The following BNC2 variants were observed in gnomAD, a reference collection of about 807,000 sequenced individuals.
BNC2 encodes the protein basonuclin zinc finger protein 2.
Under a neutral mutation model 76.3 loss-of-function variants are expected in BNC2, and 20 were observed. That is an observed-to-expected ratio of 0.26 (90% CI 0.18 to 0.38). The LOEUF is 0.38. BNC2 is among the 10% of genes least tolerant of loss of function. The pLI is 1.00. For synonymous variants in BNC2, 582 were observed against 514.8 expected (o/e 1.13, Z -1.77); for missense variants, 1,382 against 1,399.8 (o/e 0.99, Z 0.20).
At chr9:16,667,239 T>A (rs1281570908) in intron 3 of BNC2, among the ~76,000 whole-genome samples, 1 of 152,218 alleles carries the variant, frequency 6.6e-6, no homozygotes, top group Non-Finnish European at 1.5e-5. Context: ...AATAATAGCA[T>A]CCATTTATTT....
Position 16,414,322 on chromosome 9 carries a change from A to G in BNC2, c.*4667T>C, listed in dbSNP as rs1820537770. 1 of 152,192 alleles carries G rather than the reference A, an allele frequency of 6.6e-6. No homozygotes were observed. The highest frequency in any genetic ancestry group is 1.5e-5 in the Non-Finnish European group (1 of 68,072). 9.4% of individuals were successfully genotyped at this position (152,192 alleles called of 1,614,324 possible). A position where few individuals can be genotyped will look rare whatever the true frequency, so the allele number is the denominator to read the frequency against. On this transcript the variant is annotated 3_prime_UTR_variant, in exon 7 of 7. Transcript: ENST00000380672. Reference sequence around the variant, plus strand: ...TAGCTACCCCAAAACCAGGGCAGGAACCGACCCTCTACTTAGTTCTGATGA... The same window carrying G: ...TAGCTACCCCAAAACCAGGGCAGGAGCCGACCCTCTACTTAGTTCTGATGA...
Position 16,850,849 on chromosome 9 carries a change from C to T in BNC2, c.3+19797G>A, listed in dbSNP as rs185550972. Among the ~76,000 whole-genome samples, 594 of 151,782 alleles carry T rather than the reference C, an allele frequency of 3.9e-3. 3 individuals are homozygous for T. Among genetic ancestry groups the T allele is most frequent in the Non-Finnish European group, 5.5e-3 (372 of 67,900 alleles). The stretch of plus-strand genomic sequence containing the variant: ...AAAATAGAATTATCTTGTTTTAACA[C>T]CCACCAAGTAAGTTAACACCAAAAG... On this transcript the variant is annotated intron_variant, in intron 1 of 6. Coordinates refer to ENST00000380672, the MANE Select transcript of BNC2 (RefSeq NM_017637.6).
chr9:16,670,689 G>C (rs1030433317), intron 3 of BNC2, among the ~76,000 whole-genome samples: 11 of 152,156 alleles, frequency 7.2e-5, no homozygotes, highest in African/African-American at 2.7e-4. Context: ...AATTATTGAA[G>C]GAAATGCAAA....
chr9:16,848,375 G>T (rs947547639), intron 1 of BNC2, among the ~76,000 whole-genome samples: 1 of 152,106 alleles, frequency 6.6e-6, no homozygotes, highest in Non-Finnish European at 1.5e-5. Context: ...GCATTCTTGA[G>T]TATAATAATC....
intron 3 of BNC2, chr9:16,625,719 G>C (rs961118371): frequency 3.3e-5 from 5 of 152,230 alleles, no homozygotes; most frequent in Non-Finnish European, 7.3e-5. Context: ...AATGAGAAAG[G>C]CTGCTTCCTC....
chr9:16,568,224 G>T (rs192786524), intron 4 of BNC2, among the ~76,000 whole-genome samples: 3 of 152,040 alleles, frequency 2.0e-5, no homozygotes, highest in Non-Finnish European at 2.9e-5. Context: ...TTTAACACAC[G>T]TCTTTAGGGA....
chr9:16,498,511 T>C (rs1315225157), intron 5 of BNC2, among the ~76,000 whole-genome samples: 4 of 148,384 alleles, frequency 2.7e-5, no homozygotes, highest in Non-Finnish European at 4.5e-5. Context: ...TTTGGGGACT[T>C]AGGGGGAAGA....
At chr9:16,545,452 G>A (rs1587152756) in intron 5 of BNC2, among the ~76,000 whole-genome samples, 1 of 152,232 alleles carries the variant, frequency 6.6e-6, no homozygotes, top group Non-Finnish European at 1.5e-5. Flanking sequence ...TGTTTTACAG[G>A]TGAGTGAACT....
chr9:16,829,025 A>C (rs898257907), intron 1 of BNC2, among the ~76,000 whole-genome samples: 1 of 152,008 alleles, frequency 6.6e-6, no homozygotes, highest in Non-Finnish European at 1.5e-5. Context: ...AGCAGAAGGG[A>C]GGCGAGCCAG....
chr9:16,691,370 T>C (rs1394787188), intron 3 of BNC2, among the ~76,000 whole-genome samples: 1 of 152,228 alleles, frequency 6.6e-6, no homozygotes, highest in Non-Finnish European at 1.5e-5. Context: ...ACTTCGCTAG[T>C]GCTTTACTCG....
At chr9:16,761,543 T>C (rs564548011) in intron 1 of BNC2, among the ~76,000 whole-genome samples, 10 of 152,328 alleles carry the variant, frequency 6.6e-5, no homozygotes, top group South Asian at 2.1e-4. Context: ...AGAAAATCCA[T>C]TGTTAGACTC....
chr9:16,855,848 A>C (rs1455373578), intron 1 of BNC2, among the ~76,000 whole-genome samples: 30 of 152,000 alleles, frequency 2.0e-4, no homozygotes, highest in Non-Finnish European at 2.9e-5. Flanking sequence ...ACACCCGGCC[A>C]CATCTTTTTT....
intron 5 of BNC2, among the ~76,000 whole-genome samples, chr9:16,449,206 G>C (rs1821289306): frequency 6.6e-6 from 1 of 152,136 alleles, no homozygotes. Context: ...CAGCAGTCCT[G>C]ACTTTCTAAG....
At chr9:16,455,452 C>A (rs1489127534) in intron 5 of BNC2, among the ~76,000 whole-genome samples, 1 of 152,070 alleles carries the variant, frequency 6.6e-6, no homozygotes, top group African/African-American at 2.4e-5. Flanking sequence ...TAGGGGAAAG[C>A]ACAGAAATAA....
At chr9:16,856,909 T>A (rs150721853) in intron 1 of BNC2, among the ~76,000 whole-genome samples, 1 of 152,176 alleles carries the variant, frequency 6.6e-6, no homozygotes, top group Admixed American at 6.5e-5. Context: ...GGGCAGAGAA[T>A]TGAGTGGCCT....
At chr9:16,801,306 G>GCTCA (rs1817772366) in intron 1 of BNC2, among the ~76,000 whole-genome samples, 2 of 152,072 alleles carry the variant, frequency 1.3e-5, no homozygotes, top group South Asian at 4.1e-4. Flanking sequence ...GAGTACAGTG[G>GCTCA]CGTGATATTG....
intron 3 of BNC2, among the ~76,000 whole-genome samples, chr9:16,650,707 A>C (rs1021651288): frequency 6.6e-6 from 1 of 152,180 alleles, no homozygotes; most frequent in Non-Finnish European, 1.5e-5. Context: ...AGCATAATCA[A>C]TTGCATTCAG....
intron 3 of BNC2, among the ~76,000 whole-genome samples, chr9:16,678,288 T>C (rs1216675369): frequency 5.2e-5 from 7 of 134,992 alleles, no homozygotes; most frequent in Admixed American, 7.4e-5. Flanking sequence ...TTTTTTTTTT[T>C]TTTTTTTTGA....
At chr9:16,450,819 G>C (rs1821324907) in intron 5 of BNC2, among the ~76,000 whole-genome samples, 1 of 152,204 alleles carries the variant, frequency 6.6e-6, no homozygotes, top group South Asian at 2.1e-4. Context: ...CTGATCCCCA[G>C]AGAGTAATCT....
Sources: gnomAD v4.1 joint callset for allele counts (sites outside exome capture counted in the v4.1 genomes callset) on GRCh38, gnomAD v4.1.1 for gene constraint, MANE v1.5 for transcripts, NCBI Gene and HGNC (gene_info 2026-07-23, HGNC 2026-07-21) for gene names.